TRPM2: variants seen among roughly 807,000 people sequenced by gnomAD.
TRPM2 encodes the protein transient receptor potential cation channel subfamily M member 2, also known as estrogen-responsive element-associated gene 1 protein.
TRPM2 carries 161 observed loss-of-function variants against 174.0 expected under a neutral mutation model. The ratio of observed to expected loss-of-function variants is 0.93; its 90% confidence interval spans 0.81 to 1.05. The LOEUF (loss-of-function observed/expected upper bound fraction) is 1.05. Ranked by LOEUF, TRPM2 falls within the 50% of genes least tolerant of loss-of-function variation. The probability of loss-of-function intolerance (pLI) is 0.00; values close to 1 mark genes in which losing one functional copy is unlikely to be tolerated. For missense variants in TRPM2, 2,057 were observed against 2,038.0 expected (o/e 1.01, Z -0.18); for synonymous variants, 954 against 861.3 (o/e 1.11, Z -1.88).
At chr21:44,394,466 T>C (rs558814918) in intron 11 of TRPM2, among the ~76,000 whole-genome samples, 7 of 151,950 alleles carry the variant, frequency 4.6e-5, no homozygotes, top group Non-Finnish European at 1.0e-4. Flanking sequence ...ACTACAGGTG[T>C]CCGCCACCAC....
intron 19 of TRPM2, among the ~76,000 whole-genome samples, chr21:44,408,483 GTTA>G (rs947340559): frequency 6.6e-5 from 10 of 151,406 alleles, no homozygotes; most frequent in African/African-American, 2.4e-4. Flanking sequence ...GTCAACATTT[GTTA>G]TTGTCCATTA....
At position 44,417,957 on chromosome 21, in the gene TRPM2, G is replaced by A. The variant is rs766912288; in HGVS notation, c.3177G>A (p.Thr1059=). 3.5e-5 allele frequency: 57 copies of A among 1,612,608 alleles called. No individual in the cohort carries two copies. The highest frequency in any genetic ancestry group is 2.9e-4 in the South Asian group (26 of 91,092). Residue 1059 remains threonine, a synonymous_variant, in exon 21 of 32, where the codon ACG becomes ACA. Coordinates refer to ENST00000397928, the MANE Select transcript of TRPM2 (RefSeq NM_003307.4). ...CCTTCCAGCAGGTGCAGGAGCACAC[G>A]GACCAGATTTGGAAGTTCCAGCGCC... The part of the protein sequence containing the change: ...NYTFQQVQEH[T]DQIWKFQRHD...
At chr21:44,379,632 C>T (rs759370010) in intron 8 of TRPM2, among the ~76,000 whole-genome samples, 2 of 152,214 alleles carry the variant, frequency 1.3e-5, no homozygotes, top group African/African-American at 2.4e-5. Context: ...AGAGTGGCCT[C>T]AGGAGGGGCC....
chr21:44,404,877 A>G (rs2049810659), intron 16 of TRPM2, among the ~76,000 whole-genome samples: 1 of 128,632 alleles, frequency 7.8e-6, no homozygotes, highest in Non-Finnish European at 1.8e-5. Flanking sequence ...CTGTGATGAT[A>G]GTGGATAGTG....
intron 25 of TRPM2, among the ~76,000 whole-genome samples, 153 bp downstream of exon 25, chr21:44,425,980 G>C (rs908045193): frequency 2.0e-5 from 3 of 152,198 alleles, no homozygotes; most frequent in African/African-American, 7.2e-5. Context: ...TTTGACATTT[G>C]AGGAAACCGA....
rs1261419097 is a variant in TRPM2, at chr21:44,391,902, T to C, written c.1794+277T>C. On this transcript the variant is annotated intron_variant, in intron 11 of 31. Coordinates refer to ENST00000397928, the MANE Select transcript of TRPM2 (RefSeq NM_003307.4). The surrounding 1 kb of genome is among the most constrained non-coding windows in gnomAD (Gnocchi z 5.0). ...TCTTGCTTGCACGTGGCTGCCCTCT[T>C]GCTGTGTCTTCACGTGACAGAGAGA... Among the ~76,000 whole-genome samples the C allele has an allele frequency of 1.3e-5, 2 of 152,198 alleles. No homozygotes were observed. The highest frequency in any genetic ancestry group is 2.9e-5 in the Non-Finnish European group (2 of 68,038).
intron 24 of TRPM2, chr21:44,425,163 G>A (rs1312548909): frequency 1.5e-5 from 8 of 548,996 alleles, no homozygotes; most frequent in African/African-American, 3.8e-5. Context: ...GTTCCTGGAC[G>A]TCCACGGGGA....
At position 44,408,902 on chromosome 21, in the gene TRPM2, C is replaced by T. The variant is rs190120738; in HGVS notation, c.2962+2137C>T. On this transcript the variant is annotated intron_variant, in intron 19 of 31. Coordinates refer to ENST00000397928, the MANE Select transcript of TRPM2 (RefSeq NM_003307.4). ...CGATCTCCTGACCTCGTGATCCACC[C>T]GCCTTGGCCTCCCAAAGTGCTGGCA... Among the ~76,000 whole-genome samples the T allele has an allele frequency of 2.3e-3, 353 of 152,200 alleles. 3 individuals are homozygous for T. Among genetic ancestry groups the T allele is most frequent in the Middle Eastern group, 0.01 (3 of 294 alleles).
At chr21:44,370,293 CT>C (rs2048495092) in intron 5 of TRPM2, among the ~76,000 whole-genome samples, 2 of 152,152 alleles carry the variant, frequency 1.3e-5, no homozygotes, top group African/African-American at 4.8e-5. Context: ...CAGAGGTCTC[CT>C]GCAGCCGGGA....
rs1014698152 is a variant in TRPM2, at chr21:44,393,372, C to T, written c.1794+1747C>T. ...TTTAATAGATTTTCTGATAGTGAAA[C>T]ATGTTTTTATCCCTGTTTTGAATTT... On this transcript the variant is annotated intron_variant, in intron 11 of 31. Transcript: ENST00000397928. Among the ~76,000 whole-genome samples, 14 of 152,150 alleles carry T rather than the reference C, an allele frequency of 9.2e-5. 1 individual carries two copies. Among genetic ancestry groups the T allele is most frequent in the Non-Finnish European group, 1.5e-4 (10 of 68,032 alleles).
intron 6 of TRPM2, among the ~76,000 whole-genome samples, chr21:44,377,344 T>A (rs1306647828): frequency 6.6e-6 from 1 of 152,144 alleles, no homozygotes; most frequent in Non-Finnish European, 1.5e-5. Context: ...CAGCTCTGAT[T>A]GTCCATAGCC....
chr21:44,417,812 G>C, intron 20 of TRPM2, 115 bp from the exon 21 acceptor site: 1 of 1,069,124 alleles, frequency 9.4e-7, no homozygotes, highest in Non-Finnish European at 1.4e-6. Flanking sequence ...ATCACAGTGG[G>C]CATGTGGGCG....
rs959353439 is a variant in TRPM2 at position 44,367,796 on chromosome 21, A to G, written c.604+862A>G. Among the ~76,000 whole-genome samples the G allele has an allele frequency of 6.6e-6, 1 of 152,126 alleles. No homozygotes were observed. The highest frequency in any genetic ancestry group is 1.5e-5 in the Non-Finnish European group (1 of 68,014). Reference sequence around the variant, plus strand: ...CATGGCTCACAGAGTCCTCAGTTTCATTGTCTGCCTGGTGAGCGTGAGGCA... The same window carrying G: ...CATGGCTCACAGAGTCCTCAGTTTCGTTGTCTGCCTGGTGAGCGTGAGGCA... On this transcript the variant is annotated intron_variant, in intron 4 of 31. Coordinates refer to ENST00000397928, the MANE Select transcript of TRPM2 (RefSeq NM_003307.4). The surrounding 1 kb of genome is among the most constrained non-coding windows in gnomAD (Gnocchi z 4.6).
intron 2 of TRPM2, among the ~76,000 whole-genome samples, chr21:44,356,368 AG>A (rs1449300050): frequency 6.6e-6 from 1 of 151,380 alleles, no homozygotes; most frequent in Non-Finnish European, 1.5e-5. Flanking sequence ...GTTACTGGAA[AG>A]GGGTCCCGAT....
intron 20 of TRPM2, chr21:44,416,838 G>A (rs1485199534): frequency 4.8e-5 from 8 of 167,788 alleles, no homozygotes; most frequent in East Asian, 4.3e-4. Flanking sequence ...CAGTGGGCAC[G>A]TGGGCATGGC....
At position 44,406,713 on chromosome 21, in the gene TRPM2, C is replaced by T. The variant is rs35698354; in HGVS notation, c.2910C>T (p.Ala970=). The T allele has an allele frequency of 8.9e-4, 1,435 of 1,608,458 alleles. 1 individual carries two copies. Among genetic ancestry groups the T allele is most frequent in the Non-Finnish European group, 1.1e-3 (1,345 of 1,179,058 alleles). The change falls in exon 19 of 32, where the codon GCC becomes GCT. Residue 970 remains alanine, a synonymous_variant. Transcript: ENST00000397928. ...ERRVDWLFRG[A]VYHSYLTIFG... is the part of the protein sequence containing the mutation. ...GGGTGGACTGGCTGTTCCGAGGGGC[C>T]GTCTACCACTCCTACCTCACCATCT...
intron 8 of TRPM2, among the ~76,000 whole-genome samples, chr21:44,381,907 CAA>C (rs751389057): frequency 1.9e-4 from 13 of 66,808 alleles, no homozygotes; most frequent in Non-Finnish European, 2.3e-4. Context: ...AAGTCTGTCT[CAA>C]AAAAAAAAAA....
chr21:44,389,863 G>A (rs1048581108), intron 9 of TRPM2, among the ~76,000 whole-genome samples: 1 of 146,474 alleles, frequency 6.8e-6, no homozygotes, highest in Non-Finnish European at 1.5e-5. Context: ...TGAAGAGCAG[G>A]AGGCTTAAAA....
chr21:44,418,005 CG>C lies in TRPM2; in HGVS notation c.3227del (p.Gly1076AlafsTer24). The C allele has an allele frequency of 2.5e-6, 4 of 1,612,926 alleles. No homozygotes were observed. The highest frequency in any genetic ancestry group is 3.4e-6 in the Non-Finnish European group (4 of 1,180,010). ...QRHDLIEEYH[G>X]RPAAPPPFIL... ...GCCATGACCTGATCGAGGAGTACCA[CG>C]GCCGCCCCGCCGCGCCGCCCCCCTT... On this transcript the variant is annotated frameshift_variant, in exon 21 of 32. Transcript: ENST00000397928. LOFTEE classifies it high-confidence loss of function.
Sources: gnomAD v4.1 joint callset for allele counts (sites outside exome capture counted in the v4.1 genomes callset) on GRCh38, gnomAD v4.1.1 for gene constraint, Gnocchi (gnomAD v3.1) non-coding constraint, MANE v1.5 for transcripts, NCBI Gene and HGNC (gene_info 2026-07-23, HGNC 2026-07-21) for gene names.